The following FARP1 variants were observed in gnomAD, a reference collection of about 807,000 sequenced individuals.
FARP1 encodes FERM, ARH/RhoGEF and pleckstrin domain protein 1, also known as FERM, ARHGEF and pleckstrin domain-containing protein 1.
A neutral mutation model predicts 128.8 loss-of-function variants in FARP1; 52 were observed. That is an observed-to-expected ratio of 0.40 (90% CI 0.32 to 0.51). FARP1 has a LOEUF of 0.51. Ranked by LOEUF, FARP1 falls within the 20% of genes least tolerant of loss-of-function variation. The pLI is 0.45. For synonymous variants in FARP1, 580 were observed against 551.8 expected (o/e 1.05, Z -0.72); for missense variants, 1,333 against 1,367.9 (o/e 0.97, Z 0.40).
chr13:98,198,629 C>T (rs144413488), intron 1 of FARP1, among the ~76,000 whole-genome samples: 1 of 152,028 alleles, frequency 6.6e-6, no homozygotes, highest in Non-Finnish European at 1.5e-5. Flanking sequence ...GTAATCCCAG[C>T]ATTTTGGAAG....
At chr13:98,313,926 C>T (rs1003699457) in intron 2 of FARP1, among the ~76,000 whole-genome samples, 5 of 152,160 alleles carry the variant, frequency 3.3e-5, no homozygotes, top group South Asian at 2.1e-4. Context: ...TGCAAGTCAT[C>T]ATCATCTAAA....
chr13:98,293,876 G>A (rs2047937395), intron 2 of FARP1, among the ~76,000 whole-genome samples: 1 of 152,150 alleles, frequency 6.6e-6, no homozygotes, highest in Admixed American at 6.5e-5. Context: ...TTTTTGCTCA[G>A]CTCACTATTG....
intron 2 of FARP1, among the ~76,000 whole-genome samples, chr13:98,220,353 G>C (rs1023966087): frequency 5.9e-5 from 9 of 152,238 alleles, no homozygotes; most frequent in African/African-American, 1.7e-4. Context: ...CAGACCTGCA[G>C]GGAGGTGTGT....
At chr13:98,200,542 G>A (rs754919509) in intron 1 of FARP1, among the ~76,000 whole-genome samples, 4 of 152,142 alleles carry the variant, frequency 2.6e-5, no homozygotes, top group Non-Finnish European at 5.9e-5. Flanking sequence ...CCATCTTTTA[G>A]GTACGGAGAA....
intron 2 of FARP1, chr13:98,338,639 T>C (rs557551275): frequency 6.6e-6 from 1 of 152,354 alleles, no homozygotes; most frequent in East Asian, 1.9e-4. Context: ...TTTACAAAAC[T>C]CTGCTTTCAG....
chr13:98,204,908 A>C (rs1466540160), intron 1 of FARP1, among the ~76,000 whole-genome samples: 1 of 152,008 alleles, frequency 6.6e-6, no homozygotes, highest in Non-Finnish European at 1.5e-5. Flanking sequence ...TGATCATGCC[A>C]CTGCTCTCTA....
At chr13:98,305,118 A>ATT (rs10624948) in intron 2 of FARP1, among the ~76,000 whole-genome samples, 2,365 of 102,922 alleles carry the variant, frequency 0.023, 27 homozygotes, top group South Asian at 0.046. Context: ...ATATATATAT[A>ATT]TTTTTTAATT....
chr13:98,442,224 C>T (rs1363528154), intron 24 of FARP1, among the ~76,000 whole-genome samples: 1 of 152,226 alleles, frequency 6.6e-6, no homozygotes, highest in African/African-American at 2.4e-5. Context: ...AAGAGTGTCA[C>T]ATAAGAGACT....
rs541462012 is a variant in FARP1, at chr13:98,318,664, G to A, written c.172-25098G>A. On this transcript the variant is annotated intron_variant, in intron 2 of 26. Coordinates refer to ENST00000319562, the MANE Select transcript of FARP1 (RefSeq NM_005766.4). ...CTTTCTCCATTTGACCTTGCATGGC[G>A]CCAGGTTGGGAGGGAGAGCTGGTTG... 8.5e-5 allele frequency among the ~76,000 whole-genome samples: 13 copies of A among 152,268 alleles called. No individual in the cohort carries two copies. The South Asian group carries it at 1.9e-3, about 22-fold the overall frequency.
Position 98,373,529 on chromosome 13 carries a change from G to GACGGACAC in FARP1, c.399-4290_399-4289insGGACACAC, listed in dbSNP as rs1264346715. 1.3e-3 allele frequency among the ~76,000 whole-genome samples: 106 copies of GACGGACAC among 79,240 alleles called. 1 individual carries two copies. The highest frequency in any genetic ancestry group is 6.2e-3 in the African/African-American group (104 of 16,734). The allele number at this position is 79,240 out of a possible 152,430, so 52.0% of individuals were successfully genotyped here. A position where few individuals can be genotyped will look rare whatever the true frequency, so the allele number is the denominator to read the frequency against. On this transcript the variant is annotated intron_variant, in intron 5 of 26. Transcript: ENST00000319562. ...CCCTTTGACTTTCCAGAGACAGACA[G>GACGGACAC]ACAGACACACACACACACACACACA...
At position 98,447,037 on chromosome 13, in the gene FARP1, G is replaced by T. The variant is rs933257706; in HGVS notation, c.3056+220G>T. 3 of 530,206 alleles carry T rather than the reference G, an allele frequency of 5.7e-6. No homozygotes were observed. In the South Asian group the frequency reaches 6.9e-5, roughly 12 times the overall value. The allele number at this position is 530,206 out of a possible 1,614,324, so 32.8% of individuals were successfully genotyped here. On this transcript the variant is annotated intron_variant, in intron 26 of 26. Transcript: ENST00000319562. The stretch of plus-strand genomic sequence containing the variant: ...TGCGCCCTTACCCTGCACGGTGTTG[G>T]CTGAGGCCCTAGACATCTTGCTTGG...
intron 3 of FARP1, among the ~76,000 whole-genome samples, chr13:98,353,991 G>T (rs1430813900): frequency 6.6e-6 from 1 of 152,218 alleles, no homozygotes; most frequent in Non-Finnish European, 1.5e-5. Context: ...TTGATGTTTT[G>T]CAAGGACCAT....
chr13:98,296,298 C>T (rs1401207521), intron 2 of FARP1, among the ~76,000 whole-genome samples: 1 of 152,114 alleles, frequency 6.6e-6, no homozygotes, highest in Non-Finnish European at 1.5e-5. Flanking sequence ...CGTGGCCCCC[C>T]GATTGCAGGT....
At chr13:98,345,032 G>T (rs1351719931) in intron 3 of FARP1, among the ~76,000 whole-genome samples, 1 of 152,142 alleles carries the variant, frequency 6.6e-6, no homozygotes, top group Non-Finnish European at 1.5e-5. Context: ...AAGTAGTTAC[G>T]GTTTCCATTC....
At chr13:98,358,802 A>G (rs1359807042) in intron 3 of FARP1, among the ~76,000 whole-genome samples, 1 of 151,384 alleles carries the variant, frequency 6.6e-6, no homozygotes, top group African/African-American at 2.4e-5. Context: ...CGCCCGGCTA[A>G]TTTTTTTTGT....
intron 21 of FARP1, among the ~76,000 whole-genome samples, chr13:98,439,505 T>C (rs565176858): frequency 6.6e-6 from 1 of 152,220 alleles, no homozygotes; most frequent in African/African-American, 2.4e-5. Flanking sequence ...CCGCGTGGCA[T>C]GAACTCGCCT....
At chr13:98,351,714 G>A (rs377103183) in intron 3 of FARP1, among the ~76,000 whole-genome samples, 2 of 152,220 alleles carry the variant, frequency 1.3e-5, no homozygotes, top group East Asian at 3.9e-4. Context: ...TTTACTCATG[G>A]CAGAAGGTGA....
chr13:98,448,579 A>T lies in FARP1; in HGVS notation c.*262A>T, dbSNP rs1021892915. The T allele has an allele frequency of 1.4e-5, 6 of 441,068 alleles. No homozygotes were observed. Among genetic ancestry groups the T allele is most frequent in the South Asian group, 8.5e-5 (3 of 35,264 alleles). The allele number at this position is 441,068 out of a possible 1,614,324, so 27.3% of individuals were successfully genotyped here. ...AGTATTAAAACATTGTCATTACGAG[A>T]GTGCCAAATGACATCTTCCCTCCAC... On this transcript the variant is annotated 3_prime_UTR_variant, in exon 27 of 27. Transcript: ENST00000319562.
At chr13:98,152,169 G>C (rs1013340287) in intron 1 of FARP1, among the ~76,000 whole-genome samples, 1 of 152,186 alleles carries the variant, frequency 6.6e-6, no homozygotes, top group African/African-American at 2.4e-5. Flanking sequence ...GATGCATTCT[G>C]TCCTTCTCTG....
Sources: gnomAD v4.1 joint callset for allele counts (sites outside exome capture counted in the v4.1 genomes callset) on GRCh38, gnomAD v4.1.1 for gene constraint, MANE v1.5 for transcripts, NCBI Gene and HGNC (gene_info 2026-07-23, HGNC 2026-07-21) for gene names.